Variants in ARMC2 observed in about 807,000 individuals in gnomAD.
ARMC2 encodes armadillo repeat containing 2, also known as armadillo repeat-containing protein 2.
A neutral mutation model predicts 90.3 loss-of-function variants in ARMC2; 67 were observed. The observed-to-expected ratio is 0.74, with a 90% CI of 0.61 to 0.91. The LOEUF is 0.91. Ranked by LOEUF, ARMC2 falls within the 40% of genes least tolerant of loss-of-function variation. The pLI, the probability that ARMC2 is intolerant of heterozygous loss-of-function variation, is 0.00. For synonymous variants in ARMC2, 393 were observed against 393.0 expected (o/e 1.00, Z 0.00); for missense variants, 920 against 1,030.9 (o/e 0.89, Z 1.47).
chr6:108,904,548 C>A, intron 8 of ARMC2, 143 bp downstream of exon 8: 2 of 737,492 alleles, frequency 2.7e-6, no homozygotes, highest in Non-Finnish European at 3.9e-6. Flanking sequence ...AATAAACTGA[C>A]ATCTCAGAAT....
At chr6:108,880,675 T>C (rs1349836208) in intron 5 of ARMC2, among the ~76,000 whole-genome samples, 1 of 152,020 alleles carries the variant, frequency 6.6e-6, no homozygotes, top group Non-Finnish European at 1.5e-5. Flanking sequence ...GTGTTCCTTT[T>C]TCTTTCTCCT....
In ARMC2 at chr6:108,932,516, C is replaced by CTTTTTTTTTT. The variant is rs60000198; in HGVS notation, c.1496+4301_1496+4310dup. On this transcript the variant is annotated intron_variant, in intron 11 of 17. Transcript: ENST00000392644. ...TAAACAGTGAGTCTTTTCTCCATTG[C>CTTTTTTTTTT]TTTTTTTTTTTTTTTTTTTTTTTTT... Among the ~76,000 whole-genome samples, 54 of 77,910 alleles carry CTTTTTTTTTT rather than the reference C, an allele frequency of 6.9e-4. 8 individuals carry two copies. Among genetic ancestry groups the CTTTTTTTTTT allele is most frequent in the East Asian group, 2.5e-3 (5 of 1,970 alleles). 51.1% of individuals were successfully genotyped at this position (77,910 alleles called of 152,430 possible).
chr6:108,951,163 G>C (rs1336284443), intron 12 of ARMC2, among the ~76,000 whole-genome samples: 1 of 152,202 alleles, frequency 6.6e-6, no homozygotes, highest in African/African-American at 2.4e-5. Flanking sequence ...CAGCCTGCCT[G>C]GCTGTGACCT....
chr6:109,044,064 C>T, the ARMC2 span, among the ~76,000 whole-genome samples: 3,855 of 151,886 alleles, frequency 0.025, 161 homozygotes, highest in African/African-American at 0.088. Flanking sequence ...CCTGTAATCC[C>T]AGCACTTTGG....
At chr6:109,049,433 T>C in the ARMC2 span, among the ~76,000 whole-genome samples, 1 of 152,072 alleles carries the variant, frequency 6.6e-6, no homozygotes, top group Non-Finnish European at 1.5e-5. Context: ...TACAAAATTA[T>C]AGCTAGATAA....
At chr6:108,990,955 C>T in the ARMC2 span, 5 of 764,460 alleles carry the variant, frequency 6.5e-6, no homozygotes, top group Non-Finnish European at 1.0e-5. Flanking sequence ...GGCTTTTATC[C>T]CTAACTCCCA....
the ARMC2 span, among the ~76,000 whole-genome samples, chr6:109,046,027 T>C: frequency 2.6e-3 from 393 of 152,338 alleles, 2 homozygotes; most frequent in South Asian, 0.01. Context: ...ATTCATATAC[T>C]TTGGAACATA....
Position 108,850,742 on chromosome 6 carries a change from C to T in ARMC2, c.-44+2196C>T, listed in dbSNP as rs143684209. 5.1e-4 allele frequency among the ~76,000 whole-genome samples: 78 copies of T among 152,296 alleles called. 1 individual carries two copies. The highest frequency in any genetic ancestry group is 1.9e-3 in the African/African-American group (77 of 41,566). ...TCAAGTCTATATTTAAAAATGGAGT[C>T]TAGTGATTACGTAAGTGTTGACCTT... On this transcript the variant is annotated intron_variant, in intron 1 of 17. Coordinates refer to ENST00000392644, the MANE Select transcript of ARMC2 (RefSeq NM_032131.6).
rs1194755939 is a variant in ARMC2 at position 108,891,683 on chromosome 6, C to G, written c.672-2784C>G. 5.3e-5 allele frequency among the ~76,000 whole-genome samples: 8 copies of G among 152,212 alleles called. No homozygotes were observed. In the East Asian group the frequency reaches 9.6e-4, roughly 18 times the overall value. On this transcript the variant is annotated intron_variant, in intron 5 of 17. Transcript: ENST00000392644. ...ATGGATAGACTGCAAACATTTTCTC[C>G]TATTCTGTAGGTTGCTTGTTCACTC...
At chr6:108,908,314 G>A (rs1425436624) in intron 8 of ARMC2, among the ~76,000 whole-genome samples, 2 of 152,228 alleles carry the variant, frequency 1.3e-5, no homozygotes, top group Admixed American at 6.5e-5. Flanking sequence ...CTGCCCCACA[G>A]GCAGTGCTCC....
chr6:108,975,302 A>G (rs1345866997), downstream of ARMC2, among the ~76,000 whole-genome samples: 2 of 152,168 alleles, frequency 1.3e-5, no homozygotes, highest in Non-Finnish European at 2.9e-5. Flanking sequence ...GATGGTTTCC[A>G]AATTCATCCA....
intron 5 of ARMC2, among the ~76,000 whole-genome samples, chr6:108,878,235 A>G (rs150777159): frequency 5.9e-5 from 9 of 152,340 alleles, no homozygotes; most frequent in African/African-American, 2.2e-4. Flanking sequence ...GATCTTTGCT[A>G]TGCAGTGGAG....
At chr6:108,898,697 G>A (rs1771847994) in intron 6 of ARMC2, among the ~76,000 whole-genome samples, 1 of 152,204 alleles carries the variant, frequency 6.6e-6, no homozygotes. Flanking sequence ...CAAATGCAGA[G>A]GCTGGGGAGT....
chr6:109,037,296 A>G, the ARMC2 span, among the ~76,000 whole-genome samples: 2 of 152,158 alleles, frequency 1.3e-5, no homozygotes, highest in Admixed American at 6.5e-5. Context: ...TTTTTCTCTT[A>G]TCCTTTTAAA....
chr6:108,944,738 C>T (rs996691903), intron 12 of ARMC2, among the ~76,000 whole-genome samples: 1 of 152,230 alleles, frequency 6.6e-6, no homozygotes, highest in Middle Eastern at 3.4e-3. Flanking sequence ...CTTTACACCC[C>T]CTCTGTTTGC....
chr6:108,955,342 C>T (rs959748383), intron 13 of ARMC2, among the ~76,000 whole-genome samples: 1 of 152,148 alleles, frequency 6.6e-6, no homozygotes, highest in African/African-American at 2.4e-5. Context: ...GTGGCAGAGC[C>T]CGGCTGCGGG....
rs188118048 is a variant in ARMC2 at position 108,910,266 on chromosome 6, C to T, written c.1024-633C>T. 4.6e-5 allele frequency among the ~76,000 whole-genome samples: 7 copies of T among 152,204 alleles called. No homozygotes were observed. In the East Asian group the frequency reaches 1.4e-3, roughly 29 times the overall value. On this transcript the variant is annotated intron_variant, in intron 8 of 17. Coordinates refer to ENST00000392644, the MANE Select transcript of ARMC2 (RefSeq NM_032131.6). The stretch of plus-strand genomic sequence containing the variant: ...ATTGTTTGAGCCTGCTAGTTCGAGA[C>T]CAGCCTGGGCAACATCTCTACAAAA...
At chr6:108,850,148 C>T (rs2128411135) in intron 1 of ARMC2, among the ~76,000 whole-genome samples, 1 of 152,286 alleles carries the variant, frequency 6.6e-6, no homozygotes, top group Admixed American at 6.5e-5. Flanking sequence ...TCTGAGCTTT[C>T]ACCCAGACCA....
chr6:108,860,779 C>T (rs1775156833), intron 3 of ARMC2, among the ~76,000 whole-genome samples: 1 of 151,936 alleles, frequency 6.6e-6, no homozygotes, highest in South Asian at 2.1e-4. Flanking sequence ...GTTGATGACA[C>T]CCCAGTGGCA....
Sources: allele counts gnomAD v4.1 joint callset (sites outside exome capture counted in the v4.1 genomes callset), GRCh38; gene constraint gnomAD v4.1.1; transcripts MANE v1.5; gene names NCBI Gene and HGNC (gene_info 2026-07-23, HGNC 2026-07-21).